The following SLC14A2 variants were observed in gnomAD, a reference collection of about 807,000 sequenced individuals.
SLC14A2 encodes urea transporter 2.
A neutral mutation model predicts 104.6 loss-of-function variants in SLC14A2; 91 were observed. That is an observed-to-expected ratio of 0.87 (90% CI 0.73 to 1.04). The LOEUF (loss-of-function observed/expected upper bound fraction) is 1.04. Ranked by LOEUF, SLC14A2 falls within the 50% of genes least tolerant of loss-of-function variation. The probability of loss-of-function intolerance (pLI) is 0.00; values close to 1 mark genes in which losing one functional copy is unlikely to be tolerated. For synonymous variants in SLC14A2, 476 were observed against 466.4 expected (o/e 1.02, Z -0.27); for missense variants, 1,189 against 1,156.0 (o/e 1.03, Z -0.41).
At chr18:45,238,774 G>C (rs1007557593) in intron 1 of SLC14A2, among the ~76,000 whole-genome samples, 14 of 152,142 alleles carry the variant, frequency 9.2e-5, no homozygotes, top group African/African-American at 3.4e-4. Flanking sequence ...TGTTGGCAGG[G>C]ATAGAGGCAC....
rs139829385 is a variant in SLC14A2 at position 45,632,369 on chromosome 18, C to T, written c.541C>T (p.Leu181Phe). 1 of 1,613,672 alleles carries T rather than the reference C, an allele frequency of 6.2e-7. No individual in the cohort carries two copies. The highest frequency in any genetic ancestry group is 1.7e-5 in the Admixed American group (1 of 59,966). Residue 181 changes from leucine to phenylalanine, a missense_variant, in exon 5 of 20, where the codon CTC becomes TTC. Leu to Phe is a conservative substitution (Grantham distance 22, BLOSUM62 0). Transcript: ENST00000255226. ...CGCCAGGTCTGCCATTGCCTCAGGA[C>T]TCCATGGGTACAACGGGATGCTGGT... The part of the protein sequence containing the change: ...GQDRSAIASG[L>F]HGYNGMLVGL...
chr18:45,187,601 T>C, the SLC14A2 span, among the ~76,000 whole-genome samples: 4 of 152,062 alleles, frequency 2.6e-5, no homozygotes, highest in Non-Finnish European at 1.5e-5. Context: ...CATCTAGCAC[T>C]TTTATGGCAT....
chr18:45,630,141 G>A (rs540713483), intron 4 of SLC14A2, among the ~76,000 whole-genome samples: 2 of 152,248 alleles, frequency 1.3e-5, no homozygotes, highest in Admixed American at 1.3e-4. Context: ...AGCATGTTCA[G>A]GAGAAGTTGG....
At chr18:45,510,696 A>G (rs1036079629) in intron 2 of SLC14A2, among the ~76,000 whole-genome samples, 2 of 151,678 alleles carry the variant, frequency 1.3e-5, no homozygotes, top group African/African-American at 4.8e-5. Context: ...AGAGATGCCC[A>G]AAGCCCCTCT....
At chr18:45,476,999 A>C (rs1166630261) in intron 1 of SLC14A2, among the ~76,000 whole-genome samples, 1 of 152,182 alleles carries the variant, frequency 6.6e-6, no homozygotes, top group African/African-American at 2.4e-5. Context: ...CATCAAACTC[A>C]TTCTCCATCC....
intron 1 of SLC14A2, among the ~76,000 whole-genome samples, chr18:45,319,112 T>C (rs1036550869): frequency 1.3e-5 from 2 of 152,142 alleles, no homozygotes; most frequent in African/African-American, 4.8e-5. Flanking sequence ...CTGCCCACCT[T>C]TGACCCTCAC....
At chr18:45,633,301 CT>C (rs1293201977) in intron 5 of SLC14A2, among the ~76,000 whole-genome samples, 1 of 152,204 alleles carries the variant, frequency 6.6e-6, no homozygotes, top group Admixed American at 6.5e-5. Context: ...TAACCAAGAC[CT>C]AAAAGCTGAA....
intron 1 of SLC14A2, among the ~76,000 whole-genome samples, chr18:45,265,613 G>C (rs1045842996): frequency 6.6e-5 from 10 of 152,186 alleles, no homozygotes; most frequent in African/African-American, 2.2e-4. Context: ...ATGAATAACA[G>C]ATTCTGTCAT....
chr18:45,657,221 C>T (rs1399478161), intron 10 of SLC14A2, among the ~76,000 whole-genome samples: 1 of 151,994 alleles, frequency 6.6e-6, no homozygotes, highest in Non-Finnish European at 1.5e-5. Flanking sequence ...CCTGTAATCC[C>T]AACACTTTGG....
At chr18:45,366,199 G>A (rs1031258851) in intron 1 of SLC14A2, among the ~76,000 whole-genome samples, 8 of 152,060 alleles carry the variant, frequency 5.3e-5, no homozygotes, top group East Asian at 3.9e-4. Context: ...CTTCCTCAGC[G>A]GAATCCTCTA....
intron 1 of SLC14A2, among the ~76,000 whole-genome samples, chr18:45,479,991 A>G (rs955022842): frequency 6.6e-6 from 1 of 152,180 alleles, no homozygotes; most frequent in African/African-American, 2.4e-5. Flanking sequence ...GCCTTCCCCA[A>G]GAAAGGATTT....
the SLC14A2 span, among the ~76,000 whole-genome samples, chr18:45,200,883 A>G: frequency 1.3e-5 from 2 of 152,162 alleles, no homozygotes; most frequent in African/African-American, 2.4e-5. Context: ...ATTATAATCA[A>G]TAAACAAATC....
rs200286100 is a variant in SLC14A2 at position 45,387,855 on chromosome 18, C to CA, written c.-124-95373dup. Among the ~76,000 whole-genome samples, 1,218 of 152,140 alleles carry CA rather than the reference C, an allele frequency of 8.0e-3. 8 individuals carry two copies. Among genetic ancestry groups the CA allele is most frequent in the Non-Finnish European group, 0.011 (728 of 67,998 alleles). ...CTGGAAGAAAATTGAGGCTATTTGT[C>CA]AAAAATGCATGAAAGCCGGTATAGG... On this transcript the variant is annotated intron_variant, in intron 1 of 20. Transcript: ENST00000586448.
rs1438456793 is a variant in SLC14A2 at position 45,627,021 on chromosome 18, T to G, written c.395T>G (p.Ile132Ser). ...VLRGTAQVMF[I>S]NNPLSGLIIF... The stretch of plus-strand genomic sequence containing the variant: ...AGAGGGACCGCTCAGGTGATGTTCA[T>G]CAACAATCCTCTCAGCGGCCTCATC... Residue 132 changes from isoleucine (I) to serine (S), a missense_variant, in exon 4 of 20, where the codon ATC becomes AGC. Physicochemically the swap from Ile to Ser is moderately radical, Grantham distance 142. Transcript: ENST00000255226. 2 of 1,613,186 alleles carry G rather than the reference T, an allele frequency of 1.2e-6. No homozygotes were observed. The highest frequency in any genetic ancestry group is 4.5e-5 in the East Asian group (2 of 44,878).
chr18:45,335,613 C>T (rs1051407140), intron 1 of SLC14A2, among the ~76,000 whole-genome samples: 8 of 152,132 alleles, frequency 5.3e-5, no homozygotes, highest in Non-Finnish European at 1.0e-4. Flanking sequence ...TGAGTATTCT[C>T]TATTTAAGAA....
At chr18:45,246,843 C>G (rs2084372124) in intron 1 of SLC14A2, among the ~76,000 whole-genome samples, 1 of 152,046 alleles carries the variant, frequency 6.6e-6, no homozygotes, top group African/African-American at 2.4e-5. Context: ...AACCCCGTCT[C>G]TACTAAAAAT....
chr18:45,660,922 G>A (rs1051453375), intron 10 of SLC14A2, among the ~76,000 whole-genome samples: 1 of 152,186 alleles, frequency 6.6e-6, no homozygotes, highest in Admixed American at 6.5e-5. Context: ...CTTCTTTGTG[G>A]CATCTGTTCC....
chr18:45,629,136 A>G (rs1291714130), intron 4 of SLC14A2, among the ~76,000 whole-genome samples: 1 of 152,168 alleles, frequency 6.6e-6, no homozygotes, highest in East Asian at 1.9e-4. Flanking sequence ...ACCCAAAGTA[A>G]TCAGAGCTGG....
chr18:45,453,652 T>G (rs2086891928), intron 1 of SLC14A2, among the ~76,000 whole-genome samples: 1 of 152,078 alleles, frequency 6.6e-6, no homozygotes, highest in South Asian at 2.1e-4. Context: ...CTTGAGTATT[T>G]TTGTGATCCT....
Sources: allele counts gnomAD v4.1 joint callset (sites outside exome capture counted in the v4.1 genomes callset), GRCh38; gene constraint gnomAD v4.1.1; transcripts MANE v1.5; gene names NCBI Gene and HGNC (gene_info 2026-07-23, HGNC 2026-07-21).